Variants in RTTN observed in about 807,000 individuals in gnomAD.
The protein encoded by RTTN is rotatin.
A neutral mutation model predicts 269.2 loss-of-function variants in RTTN; 182 were observed. The observed-to-expected ratio is 0.68, with a 90% CI of 0.60 to 0.76. The LOEUF (loss-of-function observed/expected upper bound fraction) is 0.76, where lower values mean the gene tolerates loss of function less well. Among genes scored for constraint, RTTN ranks in the 30% least tolerant of loss-of-function variants. The probability of loss-of-function intolerance (pLI) is 0.00; values close to 1 mark genes in which losing one functional copy is unlikely to be tolerated. For synonymous variants in RTTN, 1,006 were observed against 963.5 expected, an observed-to-expected ratio of 1.04 and a Z score of -0.82; for missense variants, 2,545 against 2,608.6, an observed-to-expected ratio of 0.98 and a Z score of 0.53.
chr18:70,169,085 AC>A lies in RTTN; in HGVS notation c.1477-19del. 1 of 1,551,658 alleles carries A rather than the reference AC, an allele frequency of 6.4e-7. No individual in the cohort carries two copies. The highest frequency in any genetic ancestry group is 1.2e-5 in the South Asian group (1 of 81,106). The stretch of plus-strand genomic sequence containing the variant: ...TCGCTTGCCTTGGTGAATTAAAAAA[AC>A]AAAAAAATTAAAACTTTGTTTAAAA... On this transcript the variant is annotated intron_variant, in intron 11 of 48. Transcript: ENST00000640769.
intron 31 of RTTN, among the ~76,000 whole-genome samples, 194 bp downstream of exon 31, chr18:70,087,795 C>T (rs1479485767): frequency 4.6e-5 from 7 of 152,104 alleles, no homozygotes; most frequent in African/African-American, 9.7e-5. Context: ...TTTATCTTAT[C>T]GGAAGGAAGG....
chr18:70,076,112 A>G (rs903296564), intron 32 of RTTN, among the ~76,000 whole-genome samples: 1 of 152,014 alleles, frequency 6.6e-6, no homozygotes, highest in African/African-American at 2.4e-5. Context: ...GGCTGAAAAG[A>G]ATCTGCTATT....
chr18:70,101,303 C>G (rs148532083), intron 28 of RTTN, among the ~76,000 whole-genome samples: 1 of 152,006 alleles, frequency 6.6e-6, no homozygotes, highest in African/African-American at 2.4e-5. Flanking sequence ...GTTTAGTCTT[C>G]GGAGGGTGTA....
At chr18:70,047,377 T>C (rs1205507352) in intron 40 of RTTN, among the ~76,000 whole-genome samples, 1 of 152,268 alleles carries the variant, frequency 6.6e-6, no homozygotes, top group Non-Finnish European at 1.5e-5. Flanking sequence ...ATTACTCATC[T>C]ACTTATAAAA....
intron 23 of RTTN, among the ~76,000 whole-genome samples, chr18:70,133,539 C>T (rs928873941): frequency 6.6e-6 from 1 of 152,098 alleles, no homozygotes; most frequent in African/African-American, 2.4e-5. Context: ...AGACAGAATA[C>T]TACATAGAAT....
At chr18:70,062,625 T>TTTTTTTTTTTAATA (rs2058022773) in intron 35 of RTTN, among the ~76,000 whole-genome samples, 1 of 51,208 alleles carries the variant, frequency 2.0e-5, no homozygotes, top group Non-Finnish European at 5.2e-5. Context: ...TTTTTTTTTT[T>TTTTTTTTTTTAATA]TTCGTTTTTG....
At chr18:70,201,664 G>A (rs1484851117) in intron 4 of RTTN, among the ~76,000 whole-genome samples, 1 of 138,060 alleles carries the variant, frequency 7.2e-6, no homozygotes. Context: ...ACATACTACT[G>A]CCATTAATAC....
intron 44 of RTTN, 143 bp from the exon 45 acceptor site, chr18:70,020,960 T>G: frequency 3.1e-6 from 2 of 637,284 alleles, no homozygotes; most frequent in Middle Eastern, 2.9e-4. Context: ...AGGCTAATGT[T>G]GGTGTCTACA....
At chr18:70,186,124 GAAC>G (rs2061541022) in intron 10 of RTTN, among the ~76,000 whole-genome samples, 1 of 151,206 alleles carries the variant, frequency 6.6e-6, no homozygotes, top group African/African-American at 2.4e-5. Context: ...TGAAGATGTG[GAAC>G]AACTGGAATG....
intron 8 of RTTN, among the ~76,000 whole-genome samples, chr18:70,191,880 G>A (rs1415613672): frequency 6.6e-6 from 1 of 152,194 alleles, no homozygotes; most frequent in African/African-American, 2.4e-5. Flanking sequence ...GTTCACTCAG[G>A]AGTGAAAACT....
At chr18:70,148,867 A>C in intron 17 of RTTN, 34 bp downstream of exon 17, 1 of 1,610,376 alleles carries the variant, frequency 6.2e-7, no homozygotes, top group Non-Finnish European at 8.5e-7. Context: ...GTTTCCATCA[A>C]TCTTTGACGT....
chr18:70,129,626 C>A (rs1456714342), intron 23 of RTTN: 1 of 56,968 alleles, frequency 1.8e-5, no homozygotes, highest in Non-Finnish European at 4.0e-5. Context: ...AAAATCAAAT[C>A]AAAATGAATT....
intron 14 of RTTN, among the ~76,000 whole-genome samples, chr18:70,156,484 T>C (rs1568477969): frequency 6.6e-6 from 1 of 152,196 alleles, no homozygotes; most frequent in Non-Finnish European, 1.5e-5. Flanking sequence ...TTGCCTGCGG[T>C]CCTGCGGTCC....
intron 45 of RTTN, among the ~76,000 whole-genome samples, chr18:70,017,945 GGTAATTA>G (rs2056591749): frequency 1.3e-5 from 2 of 152,142 alleles, no homozygotes; most frequent in African/African-American, 2.4e-5. Flanking sequence ...ATTTAGAATT[GGTAATTA>G]AGTTTGGAGA....
rs1386109551 is a variant in RTTN at position 70,030,895 on chromosome 18, T to C, written c.5628A>G (p.Ala1876=). 4.6e-5 allele frequency: 75 copies of C among 1,613,184 alleles called. No homozygotes were observed. The highest frequency in any genetic ancestry group is 6.3e-5 in the Non-Finnish European group (74 of 1,179,578). ...LMSLLAVSRR[A]QKHALKANLI... is the part of the protein sequence containing the mutation. ...GCTCACCTTTCAAAGCATGTTTCTG[T>C]GCTCTTCTACTGACAGCCAGCAGTG... Residue 1876 remains alanine, a synonymous_variant, in exon 41 of 49, where the codon GCA becomes GCG. Coordinates refer to ENST00000640769, the MANE Select transcript of RTTN (RefSeq NM_173630.4).
chr18:70,195,374 T>C (rs1360723117), intron 7 of RTTN, among the ~76,000 whole-genome samples: 1 of 152,250 alleles, frequency 6.6e-6, no homozygotes, highest in Non-Finnish European at 1.5e-5. Context: ...ACCCTTTTTA[T>C]TTCCTTCAAG....
intron 40 of RTTN, among the ~76,000 whole-genome samples, chr18:70,039,205 CAAG>C (rs1257566076): frequency 6.6e-6 from 1 of 151,908 alleles, no homozygotes; most frequent in Non-Finnish European, 1.5e-5. Flanking sequence ...TATTCAAGTA[CAAG>C]AAGGTTAGAG....
chr18:70,038,414 G>C (rs1053571881), intron 40 of RTTN, among the ~76,000 whole-genome samples: 4 of 152,310 alleles, frequency 2.6e-5, no homozygotes, highest in Non-Finnish European at 5.9e-5. Context: ...AGTATATAGA[G>C]AGAGACTCTG....
chr18:70,043,039 G>C (rs1261384742), intron 40 of RTTN, among the ~76,000 whole-genome samples: 3 of 152,114 alleles, frequency 2.0e-5, no homozygotes, highest in South Asian at 2.1e-4. Context: ...CTAGCACAGA[G>C]GTAAAGGAAT....
Sources: gnomAD v4.1 joint callset for allele counts (sites outside exome capture counted in the v4.1 genomes callset) on GRCh38, gnomAD v4.1.1 for gene constraint, MANE v1.5 for transcripts, NCBI Gene and HGNC (gene_info 2026-07-23, HGNC 2026-07-21) for gene names.